Variants in ATXN1 observed in about 807,000 individuals in gnomAD.
ATXN1 encodes the protein ataxin-1.
A neutral mutation model predicts 56.4 loss-of-function variants in ATXN1; 8 were observed. The ratio of observed to expected loss-of-function variants is 0.14; its 90% confidence interval spans 0.08 to 0.26. The LOEUF (loss-of-function observed/expected upper bound fraction) is 0.26. ATXN1 is among the 10% of genes least tolerant of loss of function. The pLI, the probability that ATXN1 is intolerant of heterozygous loss-of-function variation, is 1.00. For missense variants in ATXN1, 987 were observed against 1,106.5 expected, an observed-to-expected ratio of 0.89 and a Z score of 1.53; for synonymous variants, 514 against 494.6, an observed-to-expected ratio of 1.04 and a Z score of -0.52.
At chr6:16,682,098 C>G (rs1207907036) in intron 2 of ATXN1, among the ~76,000 whole-genome samples, 1 of 152,004 alleles carries the variant, frequency 6.6e-6, no homozygotes, top group African/African-American at 2.4e-5. Flanking sequence ...ATGTTGGGTC[C>G]AACATAAGGA....
chr6:16,376,570 G>A (rs1203713760), intron 6 of ATXN1, among the ~76,000 whole-genome samples: 1 of 152,342 alleles, frequency 6.6e-6, no homozygotes, highest in Non-Finnish European at 1.5e-5. Context: ...GGATTGGAGA[G>A]AGGCCATATA....
At chr6:16,644,562 T>TGG (rs1561791715) in intron 3 of ATXN1, among the ~76,000 whole-genome samples, 1 of 91,580 alleles carries the variant, frequency 1.1e-5, no homozygotes, top group Non-Finnish European at 2.4e-5. Context: ...GTAAATTTTA[T>TGG]GGTGTGTGTG....
At chr6:16,474,298 T>C (rs1760282489) in intron 6 of ATXN1, among the ~76,000 whole-genome samples, 1 of 152,250 alleles carries the variant, frequency 6.6e-6, no homozygotes, top group Non-Finnish European at 1.5e-5. Context: ...AAAGCACTCA[T>C]GCACTGGGGC....
chr6:16,717,449 A>G (rs1424801376), intron 2 of ATXN1, among the ~76,000 whole-genome samples: 2 of 152,172 alleles, frequency 1.3e-5, no homozygotes, highest in African/African-American at 4.8e-5. Context: ...CACCAAGCAA[A>G]CACCTGACTC....
At chr6:16,553,803 G>A (rs1470915146) in intron 4 of ATXN1, among the ~76,000 whole-genome samples, 2 of 152,158 alleles carry the variant, frequency 1.3e-5, no homozygotes, top group African/African-American at 2.4e-5. Flanking sequence ...GCCCCTAAAT[G>A]AGACTGTGAG....
intron 3 of ATXN1, among the ~76,000 whole-genome samples, chr6:16,599,513 C>T (rs1011108571): frequency 1.3e-5 from 2 of 151,780 alleles, no homozygotes; most frequent in Admixed American, 6.6e-5. Context: ...AAGATCGAAA[C>T]CATCCTGGCC....
rs193922926 is a variant in ATXN1 at position 16,327,684 on chromosome 6, ATGCTGCTGC to A, written c.618_626del (p.Gln206_Gln208del). 1.1e-4 allele frequency: 157 copies of A among 1,473,954 alleles called. No homozygotes were observed. Among genetic ancestry groups the A allele is most frequent in the Middle Eastern group, 6.2e-4 (3 of 4,856 alleles). 91.3% of individuals were successfully genotyped at this position (1,473,954 alleles called of 1,614,324 possible). A position where few individuals can be genotyped will look rare whatever the true frequency, so the allele number is the denominator to read the frequency against. On this transcript the variant is annotated inframe_deletion, in exon 7 of 8. Transcript: ENST00000436367. ...GCTGCTGCTGCTGCTGCTGATGCTG[ATGCTGCTGC>A]TGCTGCTGCTGCTGCTGCTGCTGCT...
At chr6:16,371,862 A>C (rs933725640) in intron 6 of ATXN1, among the ~76,000 whole-genome samples, 3 of 152,086 alleles carry the variant, frequency 2.0e-5, no homozygotes, top group African/African-American at 7.2e-5. Flanking sequence ...TACAGGCATG[A>C]GCCACCATGC....
chr6:16,334,420 A>G (rs753133756), intron 6 of ATXN1, among the ~76,000 whole-genome samples: 23 of 152,172 alleles, frequency 1.5e-4, no homozygotes, highest in Admixed American at 5.9e-4. Flanking sequence ...TAAAAAGTAT[A>G]GTAATTATAA....
chr6:16,360,294 C>T (rs1761782243), intron 6 of ATXN1, among the ~76,000 whole-genome samples: 1 of 152,136 alleles, frequency 6.6e-6, no homozygotes, highest in Admixed American at 6.5e-5. Context: ...AAGAGAACAG[C>T]TCTATAGTCC....
chr6:16,626,210 T>G (rs1467624777), intron 3 of ATXN1, among the ~76,000 whole-genome samples: 1 of 152,228 alleles, frequency 6.6e-6, no homozygotes, highest in Non-Finnish European at 1.5e-5. Context: ...AAAGTTAACA[T>G]CTGAAAAGGC....
intron 7 of ATXN1, among the ~76,000 whole-genome samples, chr6:16,320,140 A>G (rs937767211): frequency 1.3e-5 from 2 of 152,200 alleles, no homozygotes; most frequent in African/African-American, 4.8e-5. Context: ...TGCCGCCTGC[A>G]TGAGGGCCTC....
chr6:16,547,226 T>C (rs1043386467), intron 4 of ATXN1, among the ~76,000 whole-genome samples: 1 of 152,338 alleles, frequency 6.6e-6, no homozygotes, highest in Middle Eastern at 3.4e-3. Context: ...GCACTCCTTT[T>C]CCTTCCAAAT....
At chr6:16,574,979 T>G (rs758046157) in intron 4 of ATXN1, among the ~76,000 whole-genome samples, 1 of 147,576 alleles carries the variant, frequency 6.8e-6, no homozygotes, top group Non-Finnish European at 1.5e-5. Context: ...TCGAATGTCC[T>G]TCCATTTGAG....
chr6:16,399,200 G>A (rs1242458082), intron 6 of ATXN1, among the ~76,000 whole-genome samples: 1 of 152,222 alleles, frequency 6.6e-6, no homozygotes, highest in Non-Finnish European at 1.5e-5. Context: ...AAATGTGGCA[G>A]TGAATGCACA....
At chr6:16,364,337 G>A (rs976574362) in intron 6 of ATXN1, among the ~76,000 whole-genome samples, 6 of 151,666 alleles carry the variant, frequency 4.0e-5, no homozygotes, top group African/African-American at 9.7e-5. Context: ...ATGGAGGCTC[G>A]TTCTGTCGCC....
chr6:16,549,596 C>T (rs1761878385), intron 4 of ATXN1, among the ~76,000 whole-genome samples: 3 of 152,104 alleles, frequency 2.0e-5, no homozygotes. Context: ...TTAAAGGGCA[C>T]ATTCAAGAAT....
At chr6:16,555,272 G>T (rs1054231812) in intron 4 of ATXN1, among the ~76,000 whole-genome samples, 35 of 151,978 alleles carry the variant, frequency 2.3e-4, no homozygotes, top group African/African-American at 8.0e-4. Context: ...CTGAGCAACT[G>T]CTCTCTACAA....
At chr6:16,723,045 T>TA (rs1759777795) in intron 2 of ATXN1, among the ~76,000 whole-genome samples, 1 of 152,254 alleles carries the variant, frequency 6.6e-6, no homozygotes, top group Non-Finnish European at 1.5e-5. Flanking sequence ...GTACTATTGG[T>TA]ATGCTACATT....
Sources: gnomAD v4.1 joint callset for allele counts (sites outside exome capture counted in the v4.1 genomes callset) on GRCh38, gnomAD v4.1.1 for gene constraint, MANE v1.5 for transcripts, NCBI Gene and HGNC (gene_info 2026-07-23, HGNC 2026-07-21) for gene names.